Variants in RANBP2 observed in about 807,000 individuals in gnomAD.
RANBP2 encodes E3 SUMO-protein ligase RanBP2.
In RANBP2, 57 loss-of-function variants were observed where a neutral mutation model predicts 303.6. The observed-to-expected ratio is 0.19, with a 90% CI of 0.15 to 0.23. The LOEUF (loss-of-function observed/expected upper bound fraction) is 0.23. Ranked by LOEUF, RANBP2 falls within the 10% of genes least tolerant of loss-of-function variation. The probability of loss-of-function intolerance (pLI) is 1.00; values close to 1 mark genes in which losing one functional copy is unlikely to be tolerated. For synonymous variants in RANBP2, 1,167 were observed against 1,301.5 expected (o/e 0.90, Z 2.23); for missense variants, 3,138 against 3,780.8 (o/e 0.83, Z 4.46).
At chr2:109,432,816 C>A in the RANBP2 span, 1 of 1,140,410 alleles carries the variant, frequency 8.8e-7, no homozygotes, top group Non-Finnish European at 1.2e-6. Context: ...CCCCCACTGG[C>A]GTCCCCAGGC....
chr2:109,667,281 C>G, the RANBP2 span: 2 of 723,844 alleles, frequency 2.8e-6, no homozygotes, highest in East Asian at 5.3e-5. Flanking sequence ...CATAAGCAAG[C>G]CTCATGAAAG....
the RANBP2 span, among the ~76,000 whole-genome samples, chr2:109,642,609 C>A: frequency 9.9e-5 from 15 of 150,850 alleles, no homozygotes; most frequent in Non-Finnish European, 5.9e-5. Flanking sequence ...ATTAGCTGGG[C>A]ATGGTGACGT....
chr2:109,371,722 C>G, the RANBP2 span: 1 of 1,577,450 alleles, frequency 6.3e-7, no homozygotes, highest in Non-Finnish European at 8.7e-7. Flanking sequence ...TCCTTCTTGC[C>G]CACCCTTGTT....
the RANBP2 span, among the ~76,000 whole-genome samples, chr2:108,949,819 G>A: frequency 6.6e-6 from 1 of 152,180 alleles, no homozygotes; most frequent in Non-Finnish European, 1.5e-5. Flanking sequence ...ATTTATCATG[G>A]GTTAGGTCTT....
chr2:108,810,107 G>A, the RANBP2 span, among the ~76,000 whole-genome samples: 1 of 152,226 alleles, frequency 6.6e-6, no homozygotes, highest in East Asian at 1.9e-4. Flanking sequence ...CACCCAGCCT[G>A]TTATTTCCAA....
At chr2:108,771,971 A>G (rs1677535311) in intron 21 of RANBP2, 100 bp downstream of exon 21, 1 of 1,411,236 alleles carries the variant, frequency 7.1e-7, no homozygotes, top group Non-Finnish European at 9.9e-7. Context: ...AGAACTTATC[A>G]CTAATATCCT....
At chr2:109,622,377 C>T in the RANBP2 span, among the ~76,000 whole-genome samples, 1 of 152,144 alleles carries the variant, frequency 6.6e-6, no homozygotes, top group Non-Finnish European at 1.5e-5. Flanking sequence ...ATGGGGCTAG[C>T]ACCTAATGAA....
the RANBP2 span, among the ~76,000 whole-genome samples, chr2:108,822,915 G>A: frequency 6.6e-6 from 1 of 152,152 alleles, no homozygotes; most frequent in Non-Finnish European, 1.5e-5. Flanking sequence ...CTAGCTAGAT[G>A]AAGGGAGAAA....
chr2:109,743,203 C>T, the RANBP2 span, among the ~76,000 whole-genome samples: 6 of 147,436 alleles, frequency 4.1e-5, no homozygotes, highest in East Asian at 3.9e-4. Context: ...CCTGGGAGGC[C>T]GATGCTGCAG....
the RANBP2 span, among the ~76,000 whole-genome samples, chr2:109,373,371 G>A: frequency 1.3e-5 from 2 of 152,220 alleles, no homozygotes; most frequent in Non-Finnish European, 2.9e-5. Context: ...TTCATGGAAA[G>A]TTCATTACAA....
At chr2:109,668,791 A>G in the RANBP2 span, among the ~76,000 whole-genome samples, 4 of 152,238 alleles carry the variant, frequency 2.6e-5, no homozygotes, top group Non-Finnish European at 5.9e-5. Context: ...TAGATATTTG[A>G]CACTGGGAGA....
At chr2:109,501,622 G>A in the RANBP2 span, 3 of 778,138 alleles carry the variant, frequency 3.9e-6, no homozygotes, top group East Asian at 2.4e-5. Flanking sequence ...ACCCTGCAGC[G>A]GAACGGCCGC....
chr2:108,846,822 C>T, the RANBP2 span: 1 of 1,612,834 alleles, frequency 6.2e-7, no homozygotes. Flanking sequence ...GGATAATTCT[C>T]CACAGCATTC....
the RANBP2 span, among the ~76,000 whole-genome samples, chr2:109,060,317 C>T: frequency 6.6e-6 from 1 of 152,140 alleles, no homozygotes; most frequent in Non-Finnish European, 1.5e-5. Flanking sequence ...CTCCTGGACT[C>T]GATCTCCTGG....
rs1287358321 is a variant in RANBP2, at chr2:108,764,504, T to G, written c.3965T>G (p.Ile1322Ser). 3 of 1,613,938 alleles carry G rather than the reference T, an allele frequency of 1.9e-6. No homozygotes were observed. The highest frequency in any genetic ancestry group is 2.5e-6 in the Non-Finnish European group (3 of 1,179,962). ...ATGGCGTCAAATCAGGCTGTCAGAA[T>G]TGTAAAAGAACCCACAAGTCATGAT... ...VAMASNQAVR[I>S]VKEPTSHDNK... is the part of the protein sequence containing the mutation. Residue 1322 changes from isoleucine (I) to serine (S), a missense_variant, in exon 20 of 29, where the codon ATT becomes AGT. Physicochemically the swap from Ile to Ser is moderately radical, Grantham distance 142. Coordinates refer to ENST00000283195, the MANE Select transcript of RANBP2 (RefSeq NM_006267.5).
At chr2:108,781,205 AAG>A (rs1218554250) in intron 25 of RANBP2, 62 bp from the exon 26 acceptor site, 110 of 1,501,614 alleles carry the variant, frequency 7.3e-5, no homozygotes, top group Non-Finnish European at 9.8e-5. Context: ...TTGATAAAAT[AAG>A]AGGGGGATGA....
the RANBP2 span, among the ~76,000 whole-genome samples, chr2:109,359,982 A>G: frequency 6.6e-6 from 1 of 152,062 alleles, no homozygotes; most frequent in Admixed American, 6.5e-5. Flanking sequence ...AATATTTTTA[A>G]AAGCCATCCA....
At chr2:109,566,121 A>G in the RANBP2 span, among the ~76,000 whole-genome samples, 1 of 151,790 alleles carries the variant, frequency 6.6e-6, no homozygotes, top group South Asian at 2.1e-4. Context: ...AAATTTATTT[A>G]TTTATTTTTA....
the RANBP2 span, among the ~76,000 whole-genome samples, chr2:109,167,907 A>G: frequency 2.0e-5 from 3 of 152,168 alleles, no homozygotes; most frequent in Non-Finnish European, 4.4e-5. Context: ...CGTAAGCTTC[A>G]TCAGGTAAGG....
Sources: gnomAD v4.1 joint callset for allele counts (sites outside exome capture counted in the v4.1 genomes callset) on GRCh38, gnomAD v4.1.1 for gene constraint, MANE v1.5 for transcripts, NCBI Gene and HGNC (gene_info 2026-07-23, HGNC 2026-07-21) for gene names.